Variants in TNR observed in about 807,000 individuals in gnomAD.
TNR encodes the protein tenascin R.
TNR carries 45 observed loss-of-function variants against 150.4 expected under a neutral mutation model. The observed-to-expected ratio is 0.30, with a 90% CI of 0.24 to 0.38. TNR has a LOEUF of 0.38. Ranked by LOEUF, TNR falls within the 10% of genes least tolerant of loss-of-function variation. TNR has a pLI of 1.00. For synonymous variants in TNR, 687 were observed against 678.4 expected, an observed-to-expected ratio of 1.01 and a Z score of -0.20; for missense variants, 1,544 against 1,759.1, an observed-to-expected ratio of 0.88 and a Z score of 2.19.
chr1:175,452,112 G>A (rs1204827136), intron 2 of TNR, among the ~76,000 whole-genome samples: 2 of 152,210 alleles, frequency 1.3e-5, no homozygotes, highest in African/African-American at 2.4e-5. Context: ...GACCAGCATC[G>A]TGCACCGGTG....
At chr1:175,447,497 T>C (rs1034108483) in intron 2 of TNR, among the ~76,000 whole-genome samples, 1 of 152,206 alleles carries the variant, frequency 6.6e-6, no homozygotes, top group Non-Finnish European at 1.5e-5. Context: ...CCTTCTGCTT[T>C]TGACTCTTGA....
intron 1 of TNR, among the ~76,000 whole-genome samples, chr1:175,686,311 T>G (rs1302225450): frequency 6.6e-6 from 1 of 152,196 alleles, no homozygotes; most frequent in Non-Finnish European, 1.5e-5. Flanking sequence ...TCAATCATCT[T>G]GGAAAATCTA....
At chr1:175,418,393 A>G (rs114003269) in intron 2 of TNR, among the ~76,000 whole-genome samples, 2,778 of 152,238 alleles carry the variant, frequency 0.018, 80 homozygotes, top group African/African-American at 0.063. Flanking sequence ...CTGGGTCTTG[A>G]AGAATGAGAA....
At chr1:175,339,081 A>C (rs914694495) in intron 18 of TNR, among the ~76,000 whole-genome samples, 3 of 152,222 alleles carry the variant, frequency 2.0e-5, no homozygotes, top group African/African-American at 7.2e-5. Flanking sequence ...CTTGCAAGAA[A>C]CTTGAGAGGA....
At chr1:175,616,283 C>T (rs562308176) in intron 1 of TNR, among the ~76,000 whole-genome samples, 1 of 152,320 alleles carries the variant, frequency 6.6e-6, no homozygotes, top group South Asian at 2.1e-4. Flanking sequence ...CCTCTATAGC[C>T]CTCAGTGTCT....
intron 2 of TNR, among the ~76,000 whole-genome samples, chr1:175,429,741 A>G (rs1655177522): frequency 6.6e-6 from 1 of 152,198 alleles, no homozygotes; most frequent in Admixed American, 6.5e-5. Flanking sequence ...AGAATATGGA[A>G]GAAGAGTTTT....
intron 1 of TNR, among the ~76,000 whole-genome samples, chr1:175,555,753 G>A (rs1019022746): frequency 4.6e-5 from 7 of 152,114 alleles, no homozygotes; most frequent in African/African-American, 1.2e-4. Context: ...TACTATTAAT[G>A]AAAAACAAGA....
chr1:175,459,888 AGAG>A (rs1656740050), intron 2 of TNR, among the ~76,000 whole-genome samples: 2 of 139,274 alleles, frequency 1.4e-5, no homozygotes, highest in East Asian at 2.1e-4. Flanking sequence ...AGAGAGAGAG[AGAG>A]TAGAAATGAA....
chr1:175,331,143 C>CTCTTTCTCTCTCTCT (rs869148221), intron 20 of TNR, among the ~76,000 whole-genome samples: 2 of 128,978 alleles, frequency 1.6e-5, no homozygotes, highest in African/African-American at 5.7e-5. Flanking sequence ...TTCTTTCTTT[C>CTCTTTCTCTCTCTCT]TTCCTTTCTT....
intron 2 of TNR, among the ~76,000 whole-genome samples, chr1:175,503,748 G>T (rs890923508): frequency 1.3e-5 from 2 of 152,216 alleles, no homozygotes; most frequent in African/African-American, 2.4e-5. Context: ...AATTTGCAGA[G>T]AGTAAATTAA....
intron 1 of TNR, among the ~76,000 whole-genome samples, chr1:175,709,292 T>TACACAC (rs1558084753): frequency 2.4e-4 from 32 of 133,782 alleles, no homozygotes; most frequent in African/African-American, 8.0e-4. Flanking sequence ...CTCCCTTGCT[T>TACACAC]TCACACACAC....
chr1:175,371,867 G>C (rs1222788402), intron 9 of TNR, among the ~76,000 whole-genome samples: 2 of 152,206 alleles, frequency 1.3e-5, no homozygotes, highest in African/African-American at 4.8e-5. Flanking sequence ...GGAGGAAGGA[G>C]TGGAGTAAGC....
intron 1 of TNR, among the ~76,000 whole-genome samples, chr1:175,692,774 C>A (rs1666408849): frequency 6.6e-6 from 1 of 152,092 alleles, no homozygotes; most frequent in Non-Finnish European, 1.5e-5. Context: ...TAGGCCCTAC[C>A]TTCCTTCAAG....
chr1:175,402,161 G>A (rs11800793), intron 4 of TNR, among the ~76,000 whole-genome samples: 1 of 151,368 alleles, frequency 6.6e-6, no homozygotes, highest in African/African-American at 2.4e-5. Context: ...CAAAAAATTA[G>A]CCGGGCGCGG....
chr1:175,505,698 T>C (rs938016725), intron 2 of TNR, among the ~76,000 whole-genome samples: 9 of 152,240 alleles, frequency 5.9e-5, no homozygotes, highest in Non-Finnish European at 1.5e-5. Flanking sequence ...TCTCCATTTG[T>C]AAAATTGCAA....
At chr1:175,727,689 T>C (rs1255879819) in intron 1 of TNR, among the ~76,000 whole-genome samples, 1 of 152,124 alleles carries the variant, frequency 6.6e-6, no homozygotes, top group East Asian at 1.9e-4. Flanking sequence ...GATGGTGTGG[T>C]CCAGGGCACT....
intron 18 of TNR, among the ~76,000 whole-genome samples, chr1:175,344,871 T>C (rs181905379): frequency 4.6e-5 from 7 of 152,150 alleles, no homozygotes; most frequent in African/African-American, 1.4e-4. Context: ...AGCATTAGTC[T>C]GATAAAAAAA....
intron 2 of TNR, among the ~76,000 whole-genome samples, chr1:175,458,778 G>A (rs34217665): frequency 0.15 from 23,213 of 152,158 alleles, 1,853 homozygotes; most frequent in East Asian, 0.23. Context: ...TTAAAAAGAG[G>A]TGTCCTATTC....
chr1:175,527,539 A>G (rs966682966), intron 2 of TNR, among the ~76,000 whole-genome samples: 2 of 152,172 alleles, frequency 1.3e-5, no homozygotes, highest in African/African-American at 4.8e-5. Flanking sequence ...ACTGGTGGCT[A>G]TATTATTGTT....
Sources: allele counts gnomAD v4.1 joint callset (sites outside exome capture counted in the v4.1 genomes callset), GRCh38; gene constraint gnomAD v4.1.1; transcripts MANE v1.5; gene names NCBI Gene and HGNC (gene_info 2026-07-23, HGNC 2026-07-21).